VAV2: variants seen among roughly 807,000 people sequenced by gnomAD.
The protein encoded by VAV2 is guanine nucleotide exchange factor VAV2.
Under a neutral mutation model 132.5 loss-of-function variants are expected in VAV2, and 67 were observed. The observed-to-expected ratio is 0.51, with a 90% CI of 0.42 to 0.62. The LOEUF is 0.62. VAV2 is among the 20% of genes least tolerant of loss of function. VAV2 has a pLI of 0.00. For synonymous variants in VAV2, 492 were observed against 443.5 expected, an observed-to-expected ratio of 1.11 and a Z score of -1.37; for missense variants, 938 against 1,153.6, an observed-to-expected ratio of 0.81 and a Z score of 2.71.
At chr9:133,886,639 A>G (rs1838720659) in intron 2 of VAV2, among the ~76,000 whole-genome samples, 1 of 152,192 alleles carries the variant, frequency 6.6e-6, no homozygotes, top group Non-Finnish European at 1.5e-5. Flanking sequence ...AGATGGGCCC[A>G]GAGACAGCAC....
At chr9:133,851,220 G>A (rs746667793) in intron 3 of VAV2, among the ~76,000 whole-genome samples, 5 of 152,144 alleles carry the variant, frequency 3.3e-5, no homozygotes, top group African/African-American at 4.8e-5. Context: ...CTGGTCACAC[G>A]ACCTCCTTTA....
chr9:133,764,239 T>C (rs770054363), intron 29 of VAV2, 130 bp from the exon 30 acceptor site: 1 of 1,155,446 alleles, frequency 8.7e-7, no homozygotes, highest in Non-Finnish European at 1.2e-6. Flanking sequence ...TCCAGAGTTC[T>C]CAGAAGGACC....
intron 2 of VAV2, among the ~76,000 whole-genome samples, chr9:133,901,441 C>G (rs1305580699): frequency 6.6e-6 from 1 of 152,262 alleles, no homozygotes; most frequent in Non-Finnish European, 1.5e-5. Flanking sequence ...CTCCCCGGAT[C>G]CAGCATGGCC....
intron 2 of VAV2, among the ~76,000 whole-genome samples, chr9:133,896,339 A>G (rs1475497701): frequency 1.3e-5 from 2 of 152,196 alleles, no homozygotes; most frequent in African/African-American, 4.8e-5. Flanking sequence ...CTGTAATCCC[A>G]GCTACTCAGG....
At chr9:133,902,054 C>T (rs1175472313) in intron 2 of VAV2, among the ~76,000 whole-genome samples, 1 of 151,660 alleles carries the variant, frequency 6.6e-6, no homozygotes, top group Non-Finnish European at 1.5e-5. Context: ...GAACCTCCCA[C>T]CCCCACCTCT....
rs556193571 is a variant in VAV2, at chr9:133,782,710, G to A, written c.1723+793C>T. Reference sequence around the variant, plus strand: ...CCCAGAGACTCGGCCTGGGGCCACCGGGGGCTCTTTGTTGAATAGAAGCTC... The same window carrying A: ...CCCAGAGACTCGGCCTGGGGCCACCAGGGGCTCTTTGTTGAATAGAAGCTC... On this transcript the variant is annotated intron_variant, in intron 19 of 29. Transcript: ENST00000371850. Among the ~76,000 whole-genome samples, 71 of 152,314 alleles carry A rather than the reference G, an allele frequency of 4.7e-4. 2 individuals carry two copies. The South Asian group carries it at 9.5e-3, about 20-fold the overall frequency.
intron 2 of VAV2, among the ~76,000 whole-genome samples, chr9:133,909,095 T>C (rs2789825): frequency 0.95 from 144,224 of 152,352 alleles, 68,425 homozygotes; most frequent in East Asian, 1. Context: ...CAGGCACCCC[T>C]AGCAATCGCG....
At chr9:133,940,767 T>TA (rs1292436339) in intron 1 of VAV2, among the ~76,000 whole-genome samples, 1 of 151,946 alleles carries the variant, frequency 6.6e-6, no homozygotes, top group South Asian at 2.1e-4. Flanking sequence ...AATACCTGAG[T>TA]GTGTAATTCC....
chr9:133,990,258 A>G (rs1842973686), intron 1 of VAV2, among the ~76,000 whole-genome samples: 1 of 152,082 alleles, frequency 6.6e-6, no homozygotes, highest in Non-Finnish European at 1.5e-5. Context: ...CCGGCCCAGC[A>G]GCGGGACCCC....
At position 133,770,385 on chromosome 9, in the gene VAV2, C is replaced by G. The variant is rs1033303581; in HGVS notation, c.2340G>C (p.Arg780=). Residue 780 remains arginine, a synonymous_variant, in exon 27 of 30, where the codon CGG becomes CGC. Coordinates refer to ENST00000371850, the MANE Select transcript of VAV2 (RefSeq NM_001134398.2). Reference sequence around the variant, plus strand: ...GCTGGGCCGGGGCGTTACCTGGGGACCGGCTGGAGGCCCTGGAGGCCGAAC... The same window carrying G: ...GCTGGGCCGGGGCGTTACCTGGGGAGCGGCTGGAGGCCCTGGAGGCCGAAC... The part of the protein sequence containing the change: ...RERSASRASS[R]SPASCASYNF... 3 of 1,614,022 alleles carry G rather than the reference C, an allele frequency of 1.9e-6. No homozygotes were observed. The highest frequency in any genetic ancestry group is 1.7e-6 in the Non-Finnish European group (2 of 1,179,940).
chr9:133,819,398 G>A (rs1470766629), intron 4 of VAV2, among the ~76,000 whole-genome samples: 3 of 151,266 alleles, frequency 2.0e-5, no homozygotes, highest in East Asian at 1.9e-4. Context: ...GCAGAGAGCC[G>A]AGATCGCGTC....
intron 1 of VAV2, among the ~76,000 whole-genome samples, chr9:133,973,943 G>C (rs1842424009): frequency 6.6e-6 from 1 of 152,222 alleles, no homozygotes; most frequent in African/African-American, 2.4e-5. Context: ...GGACGTGGAA[G>C]CAGGATCCAG....
At chr9:133,790,337 T>C (rs1469437939) in intron 13 of VAV2, among the ~76,000 whole-genome samples, 2 of 152,262 alleles carry the variant, frequency 1.3e-5, no homozygotes, top group African/African-American at 4.8e-5. Flanking sequence ...CCAGCACGCC[T>C]GGCTAATTTT....
intron 18 of VAV2, among the ~76,000 whole-genome samples, chr9:133,784,030 G>A (rs562681806): frequency 6.6e-6 from 1 of 152,266 alleles, no homozygotes; most frequent in East Asian, 1.9e-4. Flanking sequence ...ACAGGAGCAG[G>A]CCAACACGCC....
chr9:133,763,846 T>C lies in VAV2; in HGVS notation c.*216A>G. On this transcript the variant is annotated 3_prime_UTR_variant, in exon 30 of 30. Transcript: ENST00000371850. The surrounding 1 kb of genome is among the most constrained non-coding windows in gnomAD (Gnocchi z 6.8). ...GGGTGGGGCTAGCCCAGGTTTCCTC[T>C]ATGTACAATAGCATACCCAGTGATG... 1.7e-6 allele frequency: 1 copy of C among 588,282 alleles called. No homozygotes were observed. The highest frequency in any genetic ancestry group is 3.0e-6 in the Non-Finnish European group (1 of 333,870). The allele number at this position is 588,282 out of a possible 1,614,324, so 36.4% of individuals were successfully genotyped here.
At chr9:133,851,378 C>T (rs1272959903) in intron 3 of VAV2, among the ~76,000 whole-genome samples, 1 of 152,214 alleles carries the variant, frequency 6.6e-6, no homozygotes, top group Non-Finnish European at 1.5e-5. Flanking sequence ...ACTTTACAGA[C>T]ATCATCTTTT....
intron 20 of VAV2, chr9:133,780,153 T>C (rs1210546142): frequency 4.9e-6 from 3 of 612,916 alleles, no homozygotes; most frequent in African/African-American, 3.8e-5. Context: ...GGAAGGTCTG[T>C]GCCCTTCTCT....
At chr9:133,808,908 GCCA>G in intron 7 of VAV2, 129 bp downstream of exon 7, 1 of 793,590 alleles carries the variant, frequency 1.3e-6, no homozygotes, top group Non-Finnish European at 1.9e-6. Context: ...AGCTGGGAGG[GCCA>G]CCAAGTCTCC....
At chr9:133,792,678 ACC>A (rs199592841) in intron 12 of VAV2, among the ~76,000 whole-genome samples, 72,370 of 118,702 alleles carry the variant, frequency 0.61, 19,718 homozygotes, top group South Asian at 0.68. Flanking sequence ...CCCCCAAGGG[ACC>A]CCCCCCCCCA....
Sources: gnomAD v4.1 joint callset for allele counts (sites outside exome capture counted in the v4.1 genomes callset) on GRCh38, gnomAD v4.1.1 for gene constraint, Gnocchi (gnomAD v3.1) non-coding constraint, MANE v1.5 for transcripts, NCBI Gene and HGNC (gene_info 2026-07-23, HGNC 2026-07-21) for gene names.